POLA1: variants seen among roughly 807,000 people sequenced by gnomAD.
The protein encoded by POLA1 is DNA polymerase alpha 1, catalytic subunit, also known as DNA polymerase alpha catalytic subunit.
Under a neutral mutation model 124.0 loss-of-function variants are expected in POLA1, and 15 were observed. The observed-to-expected ratio is 0.12, with a 90% CI of 0.08 to 0.19. The LOEUF is 0.19. Among genes scored for constraint, POLA1 ranks in the 10% least tolerant of loss-of-function variants. The pLI is 1.00. For missense variants in POLA1, 886 were observed against 1,103.4 expected (o/e 0.80, Z 2.79); for synonymous variants, 408 against 389.4 (o/e 1.05, Z -0.56).
chrX:24,841,768 T>G lies in POLA1; in HGVS notation c.3853T>G (p.Phe1285Val). ...DEEKYRDCER[F>V]KCPCPTCGTE... ...AGAGAAATACAGGGACTGTGAAAGATTCAAATGTCCATGCCCTACATGTGG... is the reference window on the plus strand; with the variant it reads ...AGAGAAATACAGGGACTGTGAAAGAGTCAAATGTCCATGCCCTACATGTGG... The change falls in exon 33 of 37, where the codon TTC becomes GTC. Residue 1285 changes from phenylalanine (F) to valine (V), a missense_variant. Coordinates refer to ENST00000379068, the MANE Select transcript of POLA1 (RefSeq NM_001330360.2). 3 of 1,199,461 alleles carry G rather than the reference T, an allele frequency of 2.5e-6. No individual in the cohort carries two copies. The highest frequency in any genetic ancestry group is 3.4e-6 in the Non-Finnish European group (3 of 884,914).
chrX:24,972,777 G>T (rs1482760811), intron 36 of POLA1, among the ~76,000 whole-genome samples: 1 of 112,315 alleles, frequency 8.9e-6, no homozygotes, highest in Admixed American at 9.4e-5. Context: ...CTGACAAGAT[G>T]AGAGAGTTTT....
chrX:24,703,172 G>T, intron 2 of POLA1, 79 bp from the exon 3 acceptor site: 1 of 712,902 alleles, frequency 1.4e-6, no homozygotes, highest in South Asian at 2.8e-5. Context: ...GTTTCAATTT[G>T]ACAATTTTTT....
At chrX:24,810,822 A>G (rs1418376177) in intron 28 of POLA1, 22 bp downstream of exon 28, 2 of 771,651 alleles carry the variant, frequency 2.6e-6, no homozygotes, top group Non-Finnish European at 3.9e-6. Flanking sequence ...TTATGAAATT[A>G]TCTGCTTTAC....
chrX:24,960,069 A>G (rs940491665), intron 36 of POLA1, among the ~76,000 whole-genome samples: 2 of 111,080 alleles, frequency 1.8e-5, no homozygotes, highest in Non-Finnish European at 3.8e-5. Flanking sequence ...TTCAGTTTCA[A>G]AAACTTTTGA....
intron 36 of POLA1, among the ~76,000 whole-genome samples, chrX:24,933,286 T>C (rs1051876037): frequency 8.9e-6 from 1 of 111,929 alleles, no homozygotes; most frequent in African/African-American, 3.2e-5. Context: ...GAAAACACCA[T>C]AAGTTTAAAA....
intron 35 of POLA1, among the ~76,000 whole-genome samples, chrX:24,904,159 C>T (rs1402345319): frequency 9.1e-6 from 1 of 109,428 alleles, no homozygotes; most frequent in Non-Finnish European, 1.9e-5. Context: ...AGGCTGGTCT[C>T]AAACTCCTGA....
chrX:24,947,671 A>C (rs1269603240), intron 36 of POLA1, among the ~76,000 whole-genome samples: 1 of 111,399 alleles, frequency 9.0e-6, no homozygotes, highest in Non-Finnish European at 1.9e-5. Context: ...CTGGAGGCCA[A>C]CTCCAGAAAG....
intron 2 of POLA1, among the ~76,000 whole-genome samples, chrX:24,702,054 G>A (rs1340288228): frequency 1.1e-5 from 1 of 94,805 alleles, no homozygotes; most frequent in Non-Finnish European, 2.1e-5. Flanking sequence ...GCACCTGGCC[G>A]AGAATCAGGT....
At chrX:24,897,781 G>A (rs1227175692) in intron 35 of POLA1, among the ~76,000 whole-genome samples, 2 of 111,857 alleles carry the variant, frequency 1.8e-5, no homozygotes, top group African/African-American at 6.5e-5. Flanking sequence ...TTTGGCAAGT[G>A]CCTTGGGAAC....
At chrX:24,970,107 A>G (rs1423322179) in intron 36 of POLA1, among the ~76,000 whole-genome samples, 4 of 112,117 alleles carry the variant, frequency 3.6e-5, no homozygotes, top group African/African-American at 1.3e-4. Flanking sequence ...GTCTCTGCAG[A>G]CATAAAGACA....
chrX:24,739,339 CT>C, intron 19 of POLA1, 35 bp from the exon 20 acceptor site: 2 of 1,067,000 alleles, frequency 1.9e-6, no homozygotes, highest in South Asian at 4.3e-5. Flanking sequence ...AGTGTCTGCT[CT>C]TTCATGAAGT....
chrX:24,854,503 C>T (rs2046614926), intron 34 of POLA1, among the ~76,000 whole-genome samples: 1 of 111,655 alleles, frequency 9.0e-6, no homozygotes, highest in South Asian at 3.8e-4. Context: ...GACTCCAGAA[C>T]CTTCACCTTT....
chrX:24,974,775 C>T lies in POLA1; in HGVS notation c.4262-21030C>T, dbSNP rs749923766. On this transcript the variant is annotated intron_variant, in intron 36 of 36. Coordinates refer to ENST00000379068, the MANE Select transcript of POLA1 (RefSeq NM_001330360.2). Reference sequence around the variant, plus strand: ...CCATGGCACATGTGTACCTATGTAACAAACCTGCACGTTCTGCACATGTAT... The same window carrying T: ...CCATGGCACATGTGTACCTATGTAATAAACCTGCACGTTCTGCACATGTAT... Among the ~76,000 whole-genome samples, 8 of 111,646 alleles carry T rather than the reference C, an allele frequency of 7.2e-5. No homozygotes were observed. In the South Asian group the frequency reaches 3.1e-3, roughly 43 times the overall value.
intron 29 of POLA1, among the ~76,000 whole-genome samples, chrX:24,813,668 G>A (rs2045940731): frequency 9.0e-6 from 1 of 111,309 alleles, no homozygotes; most frequent in African/African-American, 3.3e-5. Context: ...ACAAGTATTA[G>A]CCAGGCGTGG....
chrX:24,829,104 C>T (rs1199134784), intron 32 of POLA1, among the ~76,000 whole-genome samples: 1 of 110,948 alleles, frequency 9.0e-6, no homozygotes, highest in East Asian at 2.8e-4. Flanking sequence ...TCAATCTACA[C>T]AGAGAACCCT....
intron 26 of POLA1, among the ~76,000 whole-genome samples, chrX:24,792,999 C>T (rs942563112): frequency 2.7e-5 from 3 of 110,761 alleles, no homozygotes; most frequent in African/African-American, 9.8e-5. Context: ...ATTTACAAGT[C>T]TTAAAAGCCT....
rs780985586 is a variant in POLA1 at position 24,929,724 on chromosome X, A to T, written c.4165-729A>T. ...TTTTTTCCCACACAGAGTGAGACAC[A>T]GTTGCTTAGAATACACAGTGACTCT... is the stretch of plus-strand genomic sequence containing the variant. On this transcript the variant is annotated intron_variant, in intron 35 of 36. Coordinates refer to ENST00000379068, the MANE Select transcript of POLA1 (RefSeq NM_001330360.2). Among the ~76,000 whole-genome samples the T allele has an allele frequency of 2.7e-5, 3 of 112,545 alleles. No individual in the cohort carries two copies. In the East Asian group the frequency reaches 8.3e-4, roughly 31 times the overall value.
intron 15 of POLA1, among the ~76,000 whole-genome samples, chrX:24,731,200 A>G (rs1930885863): frequency 8.9e-6 from 1 of 111,966 alleles, no homozygotes; most frequent in Non-Finnish European, 1.9e-5. Flanking sequence ...TATAGACAGT[A>G]TGGAGACAGA....
intron 35 of POLA1, among the ~76,000 whole-genome samples, chrX:24,911,955 C>A (rs1387970661): frequency 8.9e-6 from 1 of 112,250 alleles, no homozygotes; most frequent in Non-Finnish European, 1.9e-5. Flanking sequence ...AAGAGAATAA[C>A]ATTGGAGGAA....
Sources: allele counts gnomAD v4.1 joint callset (sites outside exome capture counted in the v4.1 genomes callset), GRCh38; gene constraint gnomAD v4.1.1; transcripts MANE v1.5; gene names NCBI Gene and HGNC (gene_info 2026-07-23, HGNC 2026-07-21).